ARID2: variants seen among roughly 807,000 people sequenced by gnomAD.
ARID2 encodes the protein AT-rich interactive domain-containing protein 2.
In ARID2, 32 loss-of-function variants were observed where a neutral mutation model predicts 184.6. The ratio of observed to expected loss-of-function variants is 0.17; its 90% confidence interval spans 0.13 to 0.23. The LOEUF (loss-of-function observed/expected upper bound fraction) is 0.23. Ranked by LOEUF, ARID2 falls within the 10% of genes least tolerant of loss-of-function variation. The pLI, the probability that ARID2 is intolerant of heterozygous loss-of-function variation, is 1.00. For missense variants in ARID2, 1,696 were observed against 2,197.6 expected, an observed-to-expected ratio of 0.77 and a Z score of 4.56; for synonymous variants, 836 against 772.6, an observed-to-expected ratio of 1.08 and a Z score of -1.36.
At chr12:45,867,008 T>G (rs1422734837) in intron 16 of ARID2, among the ~76,000 whole-genome samples, 1 of 152,050 alleles carries the variant, frequency 6.6e-6, no homozygotes, top group East Asian at 1.9e-4. Flanking sequence ...TGGAGTGCAG[T>G]GGGGTGATCT....
At chr12:45,823,094 T>C (rs986874157) in intron 6 of ARID2, among the ~76,000 whole-genome samples, 1 of 152,008 alleles carries the variant, frequency 6.6e-6, no homozygotes, top group African/African-American at 2.4e-5. Flanking sequence ...AACAAATGTT[T>C]AAAAATTGAA....
At chr12:45,848,277 T>C (rs1943479451) in intron 12 of ARID2, among the ~76,000 whole-genome samples, 1 of 152,048 alleles carries the variant, frequency 6.6e-6, no homozygotes, top group Non-Finnish European at 1.5e-5. Context: ...TGAATTAGTT[T>C]GTAATGGATT....
rs1470438168 is a variant in ARID2 at position 45,731,201 on chromosome 12, G to A, written c.187-16G>A. ...AGATTGTTCACGTTCAGACAACTGTGCCTGTGTTTTACCAGGTTTCTGAGA... is the reference window on the plus strand; with the variant it reads ...AGATTGTTCACGTTCAGACAACTGTACCTGTGTTTTACCAGGTTTCTGAGA... On this transcript the variant is annotated splice_polypyrimidine_tract_variant and intron_variant, in intron 2 of 20. Coordinates refer to ENST00000334344, the MANE Select transcript of ARID2 (RefSeq NM_152641.4). 6.4e-7 allele frequency: 1 copy of A among 1,561,608 alleles called. No homozygotes were observed. The highest frequency in any genetic ancestry group is 1.7e-5 in the Admixed American group (1 of 59,936).
At chr12:45,838,776 T>TATAG (rs879590403) in intron 10 of ARID2, among the ~76,000 whole-genome samples, 23 of 151,390 alleles carry the variant, frequency 1.5e-4, no homozygotes, top group East Asian at 9.7e-4. Context: ...AAAAAAAATA[T>TATAG]ATAGATAGAT....
At chr12:45,757,391 G>A (rs1724184958) in intron 3 of ARID2, among the ~76,000 whole-genome samples, 2 of 152,128 alleles carry the variant, frequency 1.3e-5, no homozygotes, top group Admixed American at 6.5e-5. Context: ...GACCTCACCA[G>A]CCCCTAGCAT....
chr12:45,756,946 G>A (rs952263616), intron 3 of ARID2, among the ~76,000 whole-genome samples: 1 of 152,180 alleles, frequency 6.6e-6, no homozygotes, highest in African/African-American at 2.4e-5. Context: ...TAAACAAAAT[G>A]TGGAGCTCTT....
At chr12:45,753,324 C>T (rs1338783032) in intron 3 of ARID2, among the ~76,000 whole-genome samples, 2 of 152,006 alleles carry the variant, frequency 1.3e-5, no homozygotes, top group African/African-American at 2.4e-5. Context: ...TTTCCCCCCT[C>T]ATGATGGTCT....
At chr12:45,764,383 A>G (rs1408407042) in intron 3 of ARID2, among the ~76,000 whole-genome samples, 1 of 152,158 alleles carries the variant, frequency 6.6e-6, no homozygotes, top group East Asian at 1.9e-4. Flanking sequence ...AATATAATTT[A>G]CACACAGTAA....
At chr12:45,801,934 G>A (rs1042109981) in intron 3 of ARID2, among the ~76,000 whole-genome samples, 2 of 152,200 alleles carry the variant, frequency 1.3e-5, no homozygotes, top group African/African-American at 4.8e-5. Flanking sequence ...GTATGAATCT[G>A]TATCAGTATA....
At chr12:45,761,782 C>G (rs1320035871) in intron 3 of ARID2, among the ~76,000 whole-genome samples, 1 of 151,788 alleles carries the variant, frequency 6.6e-6, no homozygotes, top group Non-Finnish European at 1.5e-5. Flanking sequence ...CTGCAAAATT[C>G]TGTCATTTTT....
chr12:45,887,596 G>C (rs1299373521), intron 16 of ARID2, among the ~76,000 whole-genome samples: 1 of 152,204 alleles, frequency 6.6e-6, no homozygotes, highest in Non-Finnish European at 1.5e-5. Context: ...TAGACACATG[G>C]AAGTGTGAGG....
intron 16 of ARID2, chr12:45,882,251 G>A (rs1237225420): frequency 6.6e-6 from 1 of 152,172 alleles, no homozygotes; most frequent in African/African-American, 2.4e-5. Flanking sequence ...GGTCTCCTTT[G>A]TGGGCCTTGG....
intron 3 of ARID2, among the ~76,000 whole-genome samples, chr12:45,791,144 A>G (rs1212569061): frequency 6.6e-6 from 1 of 152,080 alleles, no homozygotes; most frequent in Non-Finnish European, 1.5e-5. Context: ...ACACCATTTT[A>G]TATTTCCACC....
In ARID2 at chr12:45,871,138, T is replaced by G. The variant is rs1318987670; in HGVS notation, c.4922+10189T>G. Among the ~76,000 whole-genome samples the G allele has an allele frequency of 2.6e-5, 4 of 152,342 alleles. No homozygotes were observed. In the East Asian group the frequency reaches 7.7e-4, roughly 29 times the overall value. Reference sequence around the variant, plus strand: ...GCCAACATTTAGTTTTGTCAGTGTTTTAGATATGAGCCATTCTGATAGGTG... The same window carrying G: ...GCCAACATTTAGTTTTGTCAGTGTTGTAGATATGAGCCATTCTGATAGGTG... On this transcript the variant is annotated intron_variant, in intron 16 of 20. Coordinates refer to ENST00000334344, the MANE Select transcript of ARID2 (RefSeq NM_152641.4).
intron 6 of ARID2, among the ~76,000 whole-genome samples, chr12:45,830,260 G>A (rs1943089367): frequency 6.6e-6 from 1 of 151,968 alleles, no homozygotes; most frequent in Non-Finnish European, 1.5e-5. Context: ...GTACAGATTG[G>A]ATTGAAAGTT....
At chr12:45,839,257 CAT>C (rs1215450120) in intron 10 of ARID2, 70 bp from the exon 11 acceptor site, 72 of 1,333,890 alleles carry the variant, frequency 5.4e-5, no homozygotes, top group Middle Eastern at 1.9e-4. Flanking sequence ...TTCTGTACAA[CAT>C]GTGTTCACCA....
rs2138156472 is a variant in ARID2, at chr12:45,849,596, C to A, written c.1732C>A (p.His578Asn). 6.2e-7 allele frequency: 1 copy of A among 1,611,724 alleles called. No individual in the cohort carries two copies. The highest frequency in any genetic ancestry group is 8.5e-7 in the Non-Finnish European group (1 of 1,178,704). Residue 578 changes from histidine (H) to asparagine (N), a missense_variant, in exon 14 of 21, where the codon CAT becomes AAT. By Grantham distance (68) the His-to-Asn change is moderately conservative (BLOSUM62 1). This residue lies in a region of ARID2 where 713 missense variants were observed against 824.4 expected (regional missense o/e 0.86). Coordinates refer to ENST00000334344, the MANE Select transcript of ARID2 (RefSeq NM_152641.4). ...YKCLRTVFPN[H>N]TVKRVEDSSS... ...ACTTTACAGAACGGTCTTTCCAAAT[C>A]ATACAGTGAAGAGAGTGGAGGATTC...
chr12:45,865,343 G>A (rs1283118793), intron 16 of ARID2, among the ~76,000 whole-genome samples: 3 of 152,074 alleles, frequency 2.0e-5, no homozygotes, highest in Non-Finnish European at 4.4e-5. Context: ...GTTGTCTGCT[G>A]TGGTATAACT....
intron 11 of ARID2, among the ~76,000 whole-genome samples, chr12:45,845,074 T>TA (rs1943417465): frequency 6.6e-6 from 1 of 152,210 alleles, no homozygotes; most frequent in African/African-American, 2.4e-5. Flanking sequence ...GGCTACTTTT[T>TA]ATAGTAATTA....
Sources: gnomAD v4.1 joint callset for allele counts (sites outside exome capture counted in the v4.1 genomes callset) on GRCh38, gnomAD v4.1.1 for gene constraint, gnomAD v4.1.1 regional missense constraint, MANE v1.5 for transcripts, NCBI Gene and HGNC (gene_info 2026-07-23, HGNC 2026-07-21) for gene names.